Variants in CACNA2D3 observed in about 807,000 individuals in gnomAD.
CACNA2D3 encodes the protein calcium voltage-gated channel auxiliary subunit alpha2delta 3, also known as voltage-dependent calcium channel subunit alpha-2/delta-3.
In CACNA2D3, 60 loss-of-function variants were observed where a neutral mutation model predicts 160.6. The ratio of observed to expected loss-of-function variants is 0.37; its 90% CI spans 0.30 to 0.46. The LOEUF is 0.46. Among genes scored for constraint, CACNA2D3 ranks in the 20% least tolerant of loss-of-function variants. The pLI is 1.00. For missense variants in CACNA2D3, 1,205 were observed against 1,365.0 expected, an observed-to-expected ratio of 0.88 and a Z score of 1.85; for synonymous variants, 558 against 492.9, an observed-to-expected ratio of 1.13 and a Z score of -1.75.
intron 9 of CACNA2D3, among the ~76,000 whole-genome samples, chr3:54,582,852 G>T (rs1575359918): frequency 1.3e-5 from 2 of 152,202 alleles, no homozygotes; most frequent in East Asian, 3.9e-4. Flanking sequence ...AGCAACAGAG[G>T]ATTGGGAGAA....
rs1033836857 is a variant in CACNA2D3 at position 54,943,292 on chromosome 3, C to G, written c.2450-25158C>G. Among the ~76,000 whole-genome samples the G allele has an allele frequency of 6.6e-5, 10 of 152,174 alleles. No individual in the cohort carries two copies. The South Asian group carries it at 2.1e-3, about 32-fold the overall frequency. ...CCATCATTCCCAACCCCTATTCTCA[C>G]TTCCTAGAGGCCACCACTTCCAACT... is the stretch of plus-strand genomic sequence containing the variant. On this transcript the variant is annotated intron_variant, in intron 27 of 37. Transcript: ENST00000474759.
At chr3:54,941,127 T>C (rs1701455852) in intron 27 of CACNA2D3, among the ~76,000 whole-genome samples, 1 of 152,174 alleles carries the variant, frequency 6.6e-6, no homozygotes, top group African/African-American at 2.4e-5. Context: ...CTCCTGGTAA[T>C]GCAATTAGGA....
intron 2 of CACNA2D3, among the ~76,000 whole-genome samples, chr3:54,129,675 T>G (rs1421556416): frequency 6.6e-6 from 1 of 152,224 alleles, no homozygotes; most frequent in African/African-American, 2.4e-5. Flanking sequence ...AGGACTGTTA[T>G]GCATGTAAAT....
chr3:54,438,567 A>G (rs1163959936), intron 4 of CACNA2D3, among the ~76,000 whole-genome samples: 2 of 152,230 alleles, frequency 1.3e-5, no homozygotes, highest in African/African-American at 4.8e-5. Context: ...GTTTAAAGGA[A>G]CGACTGAATT....
At chr3:54,277,922 C>G (rs1702783696) in intron 2 of CACNA2D3, among the ~76,000 whole-genome samples, 1 of 152,074 alleles carries the variant, frequency 6.6e-6, no homozygotes, top group South Asian at 2.1e-4. Context: ...TGATTTGGCT[C>G]TCTATTATTG....
At chr3:54,264,141 A>G (rs115749129) in intron 2 of CACNA2D3, among the ~76,000 whole-genome samples, 3,588 of 152,288 alleles carry the variant, frequency 0.024, 56 homozygotes, top group Middle Eastern at 0.11. Flanking sequence ...CATAATTAAC[A>G]TAATCGGCTC....
chr3:54,777,780 T>A (rs1702451107), intron 13 of CACNA2D3, among the ~76,000 whole-genome samples: 1 of 152,170 alleles, frequency 6.6e-6, no homozygotes, highest in African/African-American at 2.4e-5. Context: ...TGGACCCCCA[T>A]GGTATTCCAA....
chr3:54,216,532 C>A (rs751753725), intron 2 of CACNA2D3, among the ~76,000 whole-genome samples: 1 of 152,082 alleles, frequency 6.6e-6, no homozygotes, highest in African/African-American at 2.4e-5. Context: ...AAGTGCGAGG[C>A]CTATAGTGGA....
intron 4 of CACNA2D3, among the ~76,000 whole-genome samples, chr3:54,429,506 T>A (rs1029447534): frequency 1.3e-5 from 2 of 152,184 alleles, no homozygotes; most frequent in Non-Finnish European, 2.9e-5. Flanking sequence ...AGATCCTGTT[T>A]TCACAGGAGA....
intron 9 of CACNA2D3, among the ~76,000 whole-genome samples, chr3:54,604,893 G>A (rs560629242): frequency 1.3e-5 from 2 of 152,130 alleles, no homozygotes; most frequent in South Asian, 2.1e-4. Context: ...TAGTTCGCAA[G>A]GGCTGCTGTG....
At chr3:54,288,077 C>T (rs1703079965) in intron 2 of CACNA2D3, among the ~76,000 whole-genome samples, 1 of 151,846 alleles carries the variant, frequency 6.6e-6, no homozygotes, top group Admixed American at 6.6e-5. Context: ...AAAATCAGAG[C>T]AGAACTGAAG....
At chr3:54,387,061 G>A (rs183417940) in intron 4 of CACNA2D3, among the ~76,000 whole-genome samples, 2 of 152,330 alleles carry the variant, frequency 1.3e-5, no homozygotes, top group African/African-American at 2.4e-5. Flanking sequence ...ATAATCACCA[G>A]ATCTCTCAAT....
intron 13 of CACNA2D3, among the ~76,000 whole-genome samples, chr3:54,802,948 A>G (rs531335536): frequency 3.9e-5 from 6 of 152,236 alleles, no homozygotes; most frequent in Non-Finnish European, 5.9e-5. Context: ...CCAGTCAAAC[A>G]GGGTCTGAAG....
intron 2 of CACNA2D3, among the ~76,000 whole-genome samples, chr3:54,252,801 A>T (rs1387608100): frequency 1.3e-5 from 2 of 152,190 alleles, no homozygotes; most frequent in African/African-American, 4.8e-5. Flanking sequence ...GCAGTTGACC[A>T]AGGGCACCAT....
intron 11 of CACNA2D3, among the ~76,000 whole-genome samples, chr3:54,738,472 T>G (rs1173548482): frequency 3.9e-5 from 6 of 152,182 alleles, no homozygotes; most frequent in African/African-American, 7.2e-5. Context: ...GGTATCTTTC[T>G]CCTCTCTTGA....
chr3:54,454,697 T>C (rs751677163), intron 4 of CACNA2D3, among the ~76,000 whole-genome samples: 9 of 152,146 alleles, frequency 5.9e-5, no homozygotes, highest in Non-Finnish European at 1.0e-4. Flanking sequence ...TTAGAACTTA[T>C]TCCTACTATA....
rs536232959 is a variant in CACNA2D3 at position 54,225,045 on chromosome 3, C to A, written c.205-95397C>A. Reference sequence around the variant, plus strand: ...TGTATACATGTGCCATGTTGGTGTGCTGCACCCATTAACTCATCATTTACA... The same window carrying A: ...TGTATACATGTGCCATGTTGGTGTGATGCACCCATTAACTCATCATTTACA... On this transcript the variant is annotated intron_variant, in intron 2 of 37. Transcript: ENST00000474759. Among the ~76,000 whole-genome samples the A allele has an allele frequency of 5.4e-5, 8 of 149,314 alleles. No individual in the cohort carries two copies. In the East Asian group the frequency reaches 1.6e-3, roughly 30 times the overall value.
At chr3:54,880,624 G>A (rs1204363538) in intron 20 of CACNA2D3, among the ~76,000 whole-genome samples, 172 bp from the exon 21 acceptor site, 3 of 152,134 alleles carry the variant, frequency 2.0e-5, no homozygotes, top group Non-Finnish European at 2.9e-5. Context: ...TTGAACCTAA[G>A]AAAAACCAAC....
chr3:54,368,943 C>G (rs1048071604), intron 3 of CACNA2D3, among the ~76,000 whole-genome samples: 1 of 151,862 alleles, frequency 6.6e-6, no homozygotes, highest in African/African-American at 2.4e-5. Flanking sequence ...CCTTGTGATC[C>G]TCCCGCCTCA....
Sources: allele counts gnomAD v4.1 joint callset (sites outside exome capture counted in the v4.1 genomes callset), GRCh38; gene constraint gnomAD v4.1.1; transcripts MANE v1.5; gene names NCBI Gene and HGNC (gene_info 2026-07-23, HGNC 2026-07-21).